CAPN1: variants seen among roughly 807,000 people sequenced by gnomAD.
The protein encoded by CAPN1 is calpain 1.
CAPN1 carries 77 observed loss-of-function variants against 105.2 expected under a neutral mutation model. The observed-to-expected ratio is 0.73, with a 90% confidence interval of 0.61 to 0.88. The LOEUF is 0.88. CAPN1 is among the 40% of genes least tolerant of loss of function. The pLI, the probability that CAPN1 is intolerant of heterozygous loss-of-function variation, is 0.00. For synonymous variants in CAPN1, 355 were observed against 388.8 expected, an observed-to-expected ratio of 0.91 and a Z score of 1.02; for missense variants, 833 against 976.6, an observed-to-expected ratio of 0.85 and a Z score of 1.96.
chr11:65,209,534 G>C lies in CAPN1; in HGVS notation c.1794+147G>C. On this transcript the variant is annotated intron_variant, in intron 17 of 21. Coordinates refer to ENST00000279247, the MANE Select transcript of CAPN1 (RefSeq NM_005186.4). The surrounding 1 kb of genome is among the most constrained non-coding windows in gnomAD (Gnocchi z 4.1). ...TGCCCCATGCTCAGATGTCTCCCTG[G>C]ACGTCTTCCTGTTGGTTGGGAGGGA... 1.4e-6 allele frequency: 1 copy of C among 730,172 alleles called. No homozygotes were observed. The highest frequency in any genetic ancestry group is 2.4e-6 in the Non-Finnish European group (1 of 418,520). 45.2% of individuals were successfully genotyped at this position (730,172 alleles called of 1,614,324 possible).
Position 65,210,462 on chromosome 11 carries a change from C to T in CAPN1, c.2059+10C>T, listed in dbSNP as rs1380825253. On this transcript the variant is annotated intron_variant, in intron 20 of 21. Transcript: ENST00000279247. The surrounding 1 kb of genome is among the most constrained non-coding windows in gnomAD (Gnocchi z 4.3). ...CTAGAGACCATGTTCCGTGAGTGTC[C>T]CCAACTGCCTCCCACCCTCCAGCTC... 2 of 1,538,750 alleles carry T rather than the reference C, an allele frequency of 1.3e-6. No homozygotes were observed. Among genetic ancestry groups the T allele is most frequent in the South Asian group, 2.3e-5 (2 of 88,768 alleles).
rs758232757 is a variant in CAPN1, at chr11:65,206,493, C to T, written c.1384C>T (p.Arg462Cys). 1.4e-5 allele frequency: 23 copies of T among 1,613,228 alleles called. No homozygotes were observed. The South Asian group carries it at 1.4e-4, about 10-fold the overall frequency. ...LVGQPAVHLK[R>C]DFFLANASRA... is the part of the protein sequence containing the mutation. The stretch of plus-strand genomic sequence containing the variant: ...GGGCCAGCCGGCCGTACACTTGAAG[C>T]GTGACTTCTTCCTGGCCAATGCGTC... Residue 462 changes from arginine to cysteine, a missense_variant, in exon 13 of 22, where the codon CGT becomes TGT. Physicochemically the swap from Arg to Cys is radical, Grantham distance 180 (BLOSUM62 -3). Transcript: ENST00000279247.
intron 10 of CAPN1, 142 bp from the exon 11 acceptor site, chr11:65,204,540 GC>G (rs1160936797): frequency 2.6e-6 from 2 of 758,964 alleles, no homozygotes; most frequent in Non-Finnish European, 4.3e-6. Context: ...GGCCCAGCCT[GC>G]CCATCACCCT....
chr11:65,206,931 C>T, intron 14 of CAPN1, 112 bp downstream of exon 14: 1 of 1,008,078 alleles, frequency 9.9e-7, no homozygotes, highest in Non-Finnish European at 1.5e-6. Flanking sequence ...GGAAGATCCC[C>T]TCCTGGTGGA....
rs1367313155 is a variant in CAPN1, at chr11:65,188,804, A to C, written c.1165+58A>C. The C allele has an allele frequency of 7.1e-7, 1 of 1,399,442 alleles. No homozygotes were observed. Among genetic ancestry groups the C allele is most frequent in the Non-Finnish European group, 9.8e-7 (1 of 1,020,408 alleles). The allele number at this position is 1,399,442 out of a possible 1,614,324, so 86.7% of individuals were successfully genotyped here. ...TCCTGGCTTAGGGGCTCCAGAAGGCACGTCATCTTACTGAGCCTCCGTTTC... is the reference window on the plus strand; with the variant it reads ...TCCTGGCTTAGGGGCTCCAGAAGGCCCGTCATCTTACTGAGCCTCCGTTTC... On this transcript the variant is annotated intron_variant, in intron 10 of 21. Transcript: ENST00000279247. The surrounding 1 kb of genome is among the most constrained non-coding windows in gnomAD (Gnocchi z 5.5).
In CAPN1 at chr11:65,183,171, G is replaced by A. The variant is rs201751778; in HGVS notation, c.311G>A (p.Arg104His). ...NPQFIVDGAT[R>H]TDICQGALGD... ...CAGTTCATTGTGGATGGAGCTACCC[G>A]CACAGACATCTGCCAGGGAGCACTG... Residue 104 changes from arginine to histidine, a missense_variant, in exon 3 of 22, where the codon CGC becomes CAC. By Grantham distance (29) the Arg-to-His change is conservative. Coordinates refer to ENST00000279247, the MANE Select transcript of CAPN1 (RefSeq NM_005186.4). 1.5e-4 allele frequency: 246 copies of A among 1,613,752 alleles called. 1 individual carries two copies. The highest frequency in any genetic ancestry group is 2.0e-4 in the Admixed American group (12 of 59,996).
At chr11:65,187,462 TG>T in intron 7 of CAPN1, 164 bp downstream of exon 7, 1 of 610,580 alleles carries the variant, frequency 1.6e-6, no homozygotes, top group Non-Finnish European at 2.9e-6. Flanking sequence ...ATGCCTATCA[TG>T]TCCTGCCCTG....
In CAPN1 at chr11:65,188,666, C is replaced by T. The variant is rs1421651720; in HGVS notation, c.1085C>T (p.Thr362Ile). The T allele has an allele frequency of 6.2e-7, 1 of 1,613,840 alleles. No homozygotes were observed. The highest frequency in any genetic ancestry group is 8.5e-7 in the Non-Finnish European group (1 of 1,179,808). Residue 362 changes from threonine (T) to isoleucine (I), a missense_variant, in exon 10 of 22, where the codon ACC becomes ATC. By Grantham distance (89) the Thr-to-Ile change is moderately conservative. Coordinates refer to ENST00000279247, the MANE Select transcript of CAPN1 (RefSeq NM_005186.4). The surrounding 1 kb of genome is among the most constrained non-coding windows in gnomAD (Gnocchi z 5.5). ...ACACCCGACGCCCTCAAGAGCCGGA[C>T]CATCCGCAAATGGAACACCACACTC... is the stretch of plus-strand genomic sequence containing the variant. ...NLTPDALKSR[T>I]IRKWNTTLYE...
At position 65,188,519 on chromosome 11, in the gene CAPN1, C is replaced by T; in HGVS notation, c.1004+31C>T. On this transcript the variant is annotated intron_variant, in intron 9 of 21. Coordinates refer to ENST00000279247, the MANE Select transcript of CAPN1 (RefSeq NM_005186.4). This position sits in a 1 kb window ranked among gnomAD's most constrained non-coding sequence, Gnocchi z 5.5. ...CGCCCCCTCCCCTTCTACCCCACCT[C>T]TCCACCCCTACACATCAGCTCTGTG... The T allele has an allele frequency of 6.2e-7, 1 of 1,612,904 alleles. No individual in the cohort carries two copies. The highest frequency in any genetic ancestry group is 2.2e-5 in the East Asian group (1 of 44,866).
In CAPN1 at chr11:65,186,359, T is replaced by A. The variant is rs191317418; in HGVS notation, c.759+21T>A. 5.0e-4 allele frequency: 802 copies of A among 1,598,510 alleles called. 7 individuals carry two copies. In the African/African-American group the frequency reaches 9.9e-3, roughly 20 times the overall value. ...TAGACGTGAGTGTGCCCGGCCCCGA[T>A]GCTTTGGTACCCTGGAACCCTGGTA... On this transcript the variant is annotated intron_variant, in intron 6 of 21. Coordinates refer to ENST00000279247, the MANE Select transcript of CAPN1 (RefSeq NM_005186.4).
At position 65,208,402 on chromosome 11, in the gene CAPN1, C is replaced by T; in HGVS notation, c.1729+140C>T. ...CCTCCAGTTTTTCTGAGCCCAGTTC[C>T]CTGCCATTTCCATCCCATACTCCTC... On this transcript the variant is annotated intron_variant, in intron 16 of 21. Coordinates refer to ENST00000279247, the MANE Select transcript of CAPN1 (RefSeq NM_005186.4). This position sits in a 1 kb window ranked among gnomAD's most constrained non-coding sequence, Gnocchi z 4.1. 3.9e-6 allele frequency: 3 copies of T among 773,432 alleles called. No homozygotes were observed. Among genetic ancestry groups the T allele is most frequent in the Middle Eastern group, 3.5e-4 (1 of 2,826 alleles). The allele number at this position is 773,432 out of a possible 1,614,324, so 47.9% of individuals were successfully genotyped here. A position where few individuals can be genotyped will look rare whatever the true frequency, so the allele number is the denominator to read the frequency against.
At chr11:65,202,543 C>T (rs913154144) in intron 10 of CAPN1, among the ~76,000 whole-genome samples, 8 of 151,840 alleles carry the variant, frequency 5.3e-5, no homozygotes, top group South Asian at 2.1e-4. Context: ...CCTGGGTTCA[C>T]GCAATTCTCC....
chr11:65,187,774 C>G (rs1251945984), intron 7 of CAPN1, 181 bp from the exon 8 acceptor site: 1 of 533,800 alleles, frequency 1.9e-6, no homozygotes, highest in Non-Finnish European at 3.4e-6. Flanking sequence ...GTAATTCCAG[C>G]TATTTGGGAG....
intron 11 of CAPN1, 36 bp downstream of exon 11, chr11:65,204,894 C>T: frequency 6.4e-7 from 1 of 1,568,144 alleles, no homozygotes; most frequent in South Asian, 1.1e-5. Flanking sequence ...TCTCACTGAG[C>T]AGGCAGAGGA....
In CAPN1 at chr11:65,188,203, G is replaced by A. The variant is rs1000190867; in HGVS notation, c.929+163G>A. ...GGACTGCTCTGACAAAGCTCAGGCCGTGCGGGCCCCTGTGCCCAGCCGTCG... is the reference window on the plus strand; with the variant it reads ...GGACTGCTCTGACAAAGCTCAGGCCATGCGGGCCCCTGTGCCCAGCCGTCG... On this transcript the variant is annotated intron_variant, in intron 8 of 21. Coordinates refer to ENST00000279247, the MANE Select transcript of CAPN1 (RefSeq NM_005186.4). This position sits in a 1 kb window ranked among gnomAD's most constrained non-coding sequence, Gnocchi z 5.5. 3.9e-5 allele frequency: 27 copies of A among 691,540 alleles called. No individual in the cohort carries two copies. Among genetic ancestry groups the A allele is most frequent in the Admixed American group, 1.4e-4 (5 of 34,640 alleles). The allele number at this position is 691,540 out of a possible 1,614,324, so 42.8% of individuals were successfully genotyped here.
Position 65,208,430 on chromosome 11 carries a change from C to T in CAPN1, c.1729+168C>T, listed in dbSNP as rs1433511721. 1 of 675,424 alleles carries T rather than the reference C, an allele frequency of 1.5e-6. No homozygotes were observed. Among genetic ancestry groups the T allele is most frequent in the African/African-American group, 1.8e-5 (1 of 56,344 alleles). 41.8% of individuals were successfully genotyped at this position (675,424 alleles called of 1,614,324 possible). ...GCCATTTCCATCCCATACTCCTCCT[C>T]CTGACCTGCCATCCTGATAATCCCT... On this transcript the variant is annotated intron_variant, in intron 16 of 21. Transcript: ENST00000279247. This position sits in a 1 kb window ranked among gnomAD's most constrained non-coding sequence, Gnocchi z 4.1.
Position 65,188,568 on chromosome 11 carries a change from G to A in CAPN1, c.1005-18G>A. On this transcript the variant is annotated intron_variant, in intron 9 of 21. Transcript: ENST00000279247. This position sits in a 1 kb window ranked among gnomAD's most constrained non-coding sequence, Gnocchi z 5.5. ...TGCCCTGACGGGCTGTGCCTCACCT[G>A]TGTACCTCCCACCTCAGGATGTCAT... The A allele has an allele frequency of 1.9e-6, 3 of 1,613,384 alleles. No individual in the cohort carries two copies. The highest frequency in any genetic ancestry group is 2.5e-6 in the Non-Finnish European group (3 of 1,179,840).
chr11:65,201,162 T>G (rs2957108), intron 10 of CAPN1, among the ~76,000 whole-genome samples: 2 of 151,720 alleles, frequency 1.3e-5, no homozygotes. Flanking sequence ...GCCAGGATGG[T>G]CTTGATCTCC....
chr11:65,205,863 G>T, intron 12 of CAPN1, 142 bp downstream of exon 12: 1 of 761,752 alleles, frequency 1.3e-6, no homozygotes. Context: ...CTCCCCACCT[G>T]TTCAGTGGGC....
Sources: gnomAD v4.1 joint callset for allele counts (sites outside exome capture counted in the v4.1 genomes callset) on GRCh38, gnomAD v4.1.1 for gene constraint, Gnocchi (gnomAD v3.1) non-coding constraint, MANE v1.5 for transcripts, NCBI Gene and HGNC (gene_info 2026-07-23, HGNC 2026-07-21) for gene names.